SLC4A4: variants seen among roughly 807,000 people sequenced by gnomAD.
SLC4A4 encodes solute carrier family 4 member 4, also known as electrogenic sodium bicarbonate cotransporter 1.
SLC4A4 carries 27 observed loss-of-function variants against 111.5 expected under a neutral mutation model. That is an observed-to-expected ratio of 0.24 (90% confidence interval 0.18 to 0.33). SLC4A4 has a LOEUF of 0.33. SLC4A4 is among the 10% of genes least tolerant of loss of function. The pLI, the probability that SLC4A4 is intolerant of heterozygous loss-of-function variation, is 1.00. For missense variants in SLC4A4, 909 were observed against 1,315.5 expected (o/e 0.69, Z 4.78); for synonymous variants, 443 against 463.4 (o/e 0.96, Z 0.57).
chr4:71,551,030 T>C (rs891602558), intron 20 of SLC4A4, among the ~76,000 whole-genome samples: 1 of 151,868 alleles, frequency 6.6e-6, no homozygotes, highest in Admixed American at 6.6e-5. Flanking sequence ...CCCTGGCTGG[T>C]TAAACAGCTT....
rs749179286 is a variant in SLC4A4 at position 71,547,736 on chromosome 4, A to G, written c.2694+16A>G. The stretch of plus-strand genomic sequence containing the variant: ...CATCTTGAAGGTAAATATGTGAAAC[A>G]TTCACCTCTTCCTTCTCAGAACACT... On this transcript the variant is annotated intron_variant, in intron 20 of 25. Transcript: ENST00000264485. 60 of 1,590,722 alleles carry G rather than the reference A, an allele frequency of 3.8e-5. No homozygotes were observed. The East Asian group carries it at 1.2e-3, about 31-fold the overall frequency.
At chr4:71,175,406 G>T (rs572046420) in intron 2 of SLC4A4, among the ~76,000 whole-genome samples, 2 of 152,238 alleles carry the variant, frequency 1.3e-5, no homozygotes, top group Non-Finnish European at 2.9e-5. Context: ...AAGCGCAATG[G>T]GTCAGGGAAT....
intron 3 of SLC4A4, among the ~76,000 whole-genome samples, chr4:71,265,595 A>ACTCTATAGAGAGTT (rs1722181564): frequency 3.3e-5 from 5 of 152,158 alleles, no homozygotes; most frequent in African/African-American, 1.2e-4. Flanking sequence ...ACCTCCTCAA[A>ACTCTATAGAGAGTT]ATAGAGCTCT....
chr4:71,116,641 T>C (rs1488762310), intron 2 of SLC4A4, among the ~76,000 whole-genome samples: 1 of 152,090 alleles, frequency 6.6e-6, no homozygotes, highest in Non-Finnish European at 1.5e-5. Context: ...GGTGTTTGAG[T>C]GTGTATTAAG....
At position 71,439,799 on chromosome 4, in the gene SLC4A4, C is replaced by G. The variant is rs1724550687; in HGVS notation, c.808-817C>G. On this transcript the variant is annotated intron_variant, in intron 7 of 25. Transcript: ENST00000264485. Reference sequence around the variant, plus strand: ...ATGGTGATGTCTCTCAAATTTACGTCTTCCCTCTCCGTCTTTCTGCTTGGG... The same window carrying G: ...ATGGTGATGTCTCTCAAATTTACGTGTTCCCTCTCCGTCTTTCTGCTTGGG... Among the ~76,000 whole-genome samples the G allele has an allele frequency of 2.0e-5, 3 of 151,474 alleles. No homozygotes were observed. The South Asian group carries it at 6.3e-4, about 32-fold the overall frequency.
intron 12 of SLC4A4, among the ~76,000 whole-genome samples, chr4:71,457,989 A>C (rs1302782645): frequency 6.6e-6 from 1 of 152,062 alleles, no homozygotes; most frequent in Non-Finnish European, 1.5e-5. Context: ...ATTAGCATTT[A>C]TTGTTATATT....
chr4:71,438,379 C>T (rs1387227113), intron 7 of SLC4A4, among the ~76,000 whole-genome samples: 2 of 152,114 alleles, frequency 1.3e-5, no homozygotes, highest in Non-Finnish European at 2.9e-5. Flanking sequence ...TTTAAAAAGT[C>T]AATATTACAA....
At chr4:71,329,594 A>G (rs1036103723) in intron 3 of SLC4A4, among the ~76,000 whole-genome samples, 1 of 152,032 alleles carries the variant, frequency 6.6e-6, no homozygotes, top group Admixed American at 6.6e-5. Context: ...AAATGGAATT[A>G]CTTTCTTGAT....
intron 3 of SLC4A4, among the ~76,000 whole-genome samples, chr4:71,338,215 G>A (rs935079835): frequency 8.6e-5 from 13 of 151,794 alleles, no homozygotes; most frequent in African/African-American, 2.7e-4. Context: ...ATTTTTCATG[G>A]GTTTATTTGT....
chr4:71,292,915 C>T (rs1316477736), intron 3 of SLC4A4, among the ~76,000 whole-genome samples: 1 of 142,742 alleles, frequency 7.0e-6, no homozygotes, highest in Non-Finnish European at 1.5e-5. Context: ...GATTTCGGCT[C>T]ACTGCAACCT....
chr4:71,175,115 T>C (rs1435022020), intron 2 of SLC4A4, among the ~76,000 whole-genome samples: 1 of 152,208 alleles, frequency 6.6e-6, no homozygotes, highest in East Asian at 1.9e-4. Context: ...AAATTATCCA[T>C]AGGCAGATAA....
chr4:71,280,164 G>A (rs1723397916), intron 3 of SLC4A4, among the ~76,000 whole-genome samples: 1 of 152,202 alleles, frequency 6.6e-6, no homozygotes, highest in South Asian at 2.1e-4. Flanking sequence ...TTTCCCTGAT[G>A]TTTAGTGATG....
At chr4:71,484,856 G>A (rs1156527845) in intron 14 of SLC4A4, among the ~76,000 whole-genome samples, 1 of 151,688 alleles carries the variant, frequency 6.6e-6, no homozygotes, top group African/African-American at 2.4e-5. Flanking sequence ...GGTTCTCCTT[G>A]TAGAGATCTT....
At chr4:71,322,349 T>G (rs1727178524) in intron 3 of SLC4A4, among the ~76,000 whole-genome samples, 1 of 152,026 alleles carries the variant, frequency 6.6e-6, no homozygotes, top group South Asian at 2.1e-4. Context: ...TATATTCTTA[T>G]GCATTTTGAC....
intron 3 of SLC4A4, among the ~76,000 whole-genome samples, chr4:71,257,972 C>T (rs1168908793): frequency 1.3e-5 from 2 of 152,160 alleles, no homozygotes; most frequent in Admixed American, 6.5e-5. Context: ...GGAATCATCA[C>T]CTCTTGCATA....
At chr4:71,433,984 G>A (rs1453217471) in intron 7 of SLC4A4, among the ~76,000 whole-genome samples, 1 of 151,990 alleles carries the variant, frequency 6.6e-6, no homozygotes, top group Admixed American at 6.6e-5. Flanking sequence ...GCAAGGTAAA[G>A]TATGATGCAT....
At chr4:71,415,546 C>T (rs925202792) in intron 7 of SLC4A4, among the ~76,000 whole-genome samples, 8 of 152,172 alleles carry the variant, frequency 5.3e-5, no homozygotes, top group Admixed American at 3.9e-4. Flanking sequence ...TTAACTGTTG[C>T]GTAGGTTAAA....
chr4:71,446,850 G>A (rs1026921761), intron 8 of SLC4A4, among the ~76,000 whole-genome samples: 12 of 152,046 alleles, frequency 7.9e-5, no homozygotes, highest in African/African-American at 2.2e-4. Context: ...TCAGATCCCC[G>A]CATCCACAGT....
At chr4:71,158,609 T>G (rs1744539676) in intron 2 of SLC4A4, among the ~76,000 whole-genome samples, 1 of 152,194 alleles carries the variant, frequency 6.6e-6, no homozygotes, top group Non-Finnish European at 1.5e-5. Context: ...CCTTTAGCCT[T>G]GTAGCAATGA....
Sources: gnomAD v4.1 joint callset for allele counts (sites outside exome capture counted in the v4.1 genomes callset) on GRCh38, gnomAD v4.1.1 for gene constraint, MANE v1.5 for transcripts, NCBI Gene and HGNC (gene_info 2026-07-23, HGNC 2026-07-21) for gene names.